SSH2: variants seen among roughly 807,000 people sequenced by gnomAD.
SSH2 encodes slingshot protein phosphatase 2, also known as protein phosphatase Slingshot homolog 2.
In SSH2, 37 loss-of-function variants were observed where a neutral mutation model predicts 135.2. That is an observed-to-expected ratio of 0.27 (90% CI 0.21 to 0.36). The LOEUF is 0.36. Among genes scored for constraint, SSH2 ranks in the 10% least tolerant of loss-of-function variants. SSH2 has a pLI of 1.00. For missense variants in SSH2, 1,408 were observed against 1,765.3 expected, an observed-to-expected ratio of 0.80 and a Z score of 3.63; for synonymous variants, 628 against 646.2, an observed-to-expected ratio of 0.97 and a Z score of 0.43.
At chr17:29,853,891 A>G (rs2065612904) in intron 1 of SSH2, among the ~76,000 whole-genome samples, 1 of 151,626 alleles carries the variant, frequency 6.6e-6, no homozygotes, top group African/African-American at 2.4e-5. Flanking sequence ...GGAGGACTTG[A>G]GCCTGGGAGT....
chr17:29,918,655 G>A (rs1460396847), intron 1 of SSH2, among the ~76,000 whole-genome samples: 1 of 152,100 alleles, frequency 6.6e-6, no homozygotes, highest in Non-Finnish European at 1.5e-5. Flanking sequence ...TGTTTCTTTT[G>A]ACTGGGCACT....
intron 1 of SSH2, chr17:29,928,282 T>A (rs2067105913): frequency 2.9e-6 from 1 of 349,850 alleles, no homozygotes; most frequent in Non-Finnish European, 5.1e-6. Context: ...CACATAAGAA[T>A]AAATTATATT....
chr17:29,888,765 C>T (rs547980193), intron 1 of SSH2, among the ~76,000 whole-genome samples: 77 of 146,950 alleles, frequency 5.2e-4, no homozygotes, highest in Non-Finnish European at 1.0e-3. Flanking sequence ...AAAATCACAT[C>T]CCTACAAAAA....
At chr17:29,676,332 A>G (rs1282675240) in intron 8 of SSH2, 1 of 154,478 alleles carries the variant, frequency 6.5e-6, no homozygotes, top group Admixed American at 6.5e-5. Flanking sequence ...GCTACTCAGG[A>G]GGCTGACGCA....
In SSH2 at chr17:29,876,778, T is replaced by G. The variant is rs939451799; in HGVS notation, c.64-27849A>C. Among the ~76,000 whole-genome samples, 11 of 152,052 alleles carry G rather than the reference T, an allele frequency of 7.2e-5. No homozygotes were observed. The East Asian group carries it at 7.7e-4, about 11-fold the overall frequency. On this transcript the variant is annotated intron_variant, in intron 1 of 15. Transcript: ENST00000540801. The stretch of plus-strand genomic sequence containing the variant: ...ACTATGAAACCACTACAAGAAAACA[T>G]TGGGAGAACTCTCCAGGACATTGGA...
intron 1 of SSH2, among the ~76,000 whole-genome samples, chr17:29,898,522 A>G (rs2066486887): frequency 6.6e-6 from 1 of 152,238 alleles, no homozygotes; most frequent in Non-Finnish European, 1.5e-5. Flanking sequence ...ATAAACTTGA[A>G]AATCTAGAAG....
In SSH2 at chr17:29,631,784, G is replaced by A; in HGVS notation, c.3410C>T (p.Ala1137Val). ...GACAAAAGGTGCTGCTGTCTCCAGG[G>A]CTGTGGACAGGCTGCTGCCTCTGTC... Reference protein sequence around the residue: ...PEDRGSSLSTALETAAPFVSH... With the variant: ...PEDRGSSLSTVLETAAPFVSH... The change falls in exon 16 of 16, where the codon GCC (alanine) becomes GTC (valine). Residue 1137 changes from alanine to valine, a missense_variant. Physicochemically the swap from Ala to Val is moderately conservative, Grantham distance 64. Around this residue, in one of 3 missense-constraint regions of SSH2, gnomAD observed 1,080 missense variants for 1,144.5 expected, o/e 0.94. Transcript: ENST00000540801. 1 of 1,614,200 alleles carries A rather than the reference G, an allele frequency of 6.2e-7. No homozygotes were observed.
chr17:29,705,926 GTA>G (rs2039182695), intron 3 of SSH2, among the ~76,000 whole-genome samples: 1 of 152,128 alleles, frequency 6.6e-6, no homozygotes. Context: ...TTATTTAGGT[GTA>G]TACCTGTTGT....
At chr17:29,739,295 G>A (rs1199333975) in intron 3 of SSH2, among the ~76,000 whole-genome samples, 1 of 152,154 alleles carries the variant, frequency 6.6e-6, no homozygotes, top group East Asian at 1.9e-4. Context: ...GACCTGTGCA[G>A]GGTTTGGTGC....
rs561200478 is a variant in SSH2 at position 29,915,569 on chromosome 17, G to T, written c.63+14369C>A. ...ACAAACTAAAGTGACCACTTGCAAC[G>T]ATCTGTCCCACTATATTGAAAAACA... On this transcript the variant is annotated intron_variant, in intron 1 of 15. Transcript: ENST00000540801. 3.2e-4 allele frequency among the ~76,000 whole-genome samples: 48 copies of T among 152,172 alleles called. No homozygotes were observed. The South Asian group carries it at 9.3e-3, about 30-fold the overall frequency.
chr17:29,756,399 T>G (rs912727244), intron 3 of SSH2, among the ~76,000 whole-genome samples: 1 of 151,936 alleles, frequency 6.6e-6, no homozygotes, highest in African/African-American at 2.4e-5. Flanking sequence ...GTCTCTTGAG[T>G]AGTTAGGACT....
At chr17:29,634,082 G>A (rs945913530) in intron 15 of SSH2, among the ~76,000 whole-genome samples, 2 of 152,212 alleles carry the variant, frequency 1.3e-5, no homozygotes, top group African/African-American at 2.4e-5. Context: ...ATTTCTGTCA[G>A]TGCTGCTACA....
chr17:29,907,785 G>A (rs1304526098), intron 1 of SSH2, among the ~76,000 whole-genome samples: 1 of 150,616 alleles, frequency 6.6e-6, no homozygotes, highest in Non-Finnish European at 1.5e-5. Context: ...CTGCCAATCA[G>A]TCAGTGTCAA....
intron 4 of SSH2, among the ~76,000 whole-genome samples, chr17:29,698,793 G>A (rs1417980052): frequency 6.6e-6 from 1 of 152,134 alleles, no homozygotes. Context: ...CACTGCACCA[G>A]GGCTGAGCTT....
chr17:29,800,040 T>C (rs1599016816), intron 2 of SSH2, among the ~76,000 whole-genome samples: 1 of 152,214 alleles, frequency 6.6e-6, no homozygotes, highest in East Asian at 1.9e-4. Context: ...CTATGACTTC[T>C]ACACTTCAAA....
chr17:29,791,076 TTTATTA>T (rs767692678), intron 3 of SSH2, among the ~76,000 whole-genome samples: 7 of 150,812 alleles, frequency 4.6e-5, no homozygotes, highest in East Asian at 2.0e-4. Flanking sequence ...TTGGTTAAGA[TTTATTA>T]TTATTATTAT....
Position 29,818,587 on chromosome 17 carries a change from A to G in SSH2, c.145-24650T>C, listed in dbSNP as rs116526114. On this transcript the variant is annotated intron_variant, in intron 2 of 15. Transcript: ENST00000540801. ...TTAAATCTAGATCTGCCCCCTCCCC[A>G]AAACTGAACAGAGCTGGGGAGAAAA... Among the ~76,000 whole-genome samples the G allele has an allele frequency of 5.0e-3, 758 of 152,174 alleles. 7 individuals are homozygous for G. The highest frequency in any genetic ancestry group is 0.017 in the African/African-American group (715 of 41,510).
chr17:29,647,045 C>T (rs532039423), intron 14 of SSH2, among the ~76,000 whole-genome samples: 20 of 150,912 alleles, frequency 1.3e-4, no homozygotes, highest in East Asian at 4.0e-4. Flanking sequence ...GAGGCCGAGG[C>T]GAGCGGATCA....
chr17:29,926,991 T>A (rs575793670), intron 1 of SSH2, among the ~76,000 whole-genome samples: 1 of 152,316 alleles, frequency 6.6e-6, no homozygotes, highest in East Asian at 1.9e-4. Context: ...AGTCACTTAC[T>A]GGCTGAATGA....
Sources: gnomAD v4.1 joint callset for allele counts (sites outside exome capture counted in the v4.1 genomes callset) on GRCh38, gnomAD v4.1.1 for gene constraint, gnomAD v4.1.1 regional missense constraint, MANE v1.5 for transcripts, NCBI Gene and HGNC (gene_info 2026-07-23, HGNC 2026-07-21) for gene names.